The following PSMF1 variants were observed in gnomAD, a reference collection of about 807,000 sequenced individuals.
PSMF1 encodes the protein proteasome inhibitor PI31 subunit.
A neutral mutation model predicts 29.3 loss-of-function variants in PSMF1; 30 were observed. That is an observed-to-expected ratio of 1.02 (90% CI 0.77 to 1.39). The LOEUF is 1.39. Among genes scored for constraint, PSMF1 ranks in the 40% most tolerant of loss-of-function variants. The probability of loss-of-function intolerance (pLI) is 0.00; values close to 1 mark genes in which losing one functional copy is unlikely to be tolerated. For missense variants in PSMF1, 344 were observed against 357.5 expected, an observed-to-expected ratio of 0.96 and a Z score of 0.31; for synonymous variants, 134 against 139.7, an observed-to-expected ratio of 0.96 and a Z score of 0.29.
chr20:1,166,366 C>T lies in PSMF1; in HGVS notation c.*1286C>T. On this transcript the variant is annotated 3_prime_UTR_variant, in exon 7 of 7. Coordinates refer to ENST00000335877, the MANE Select transcript of PSMF1 (RefSeq NM_006814.5). ...GCTAGCATTTCAACCATATGTGGAT[C>T]CTTTCATTTCTCAGCTCCCTGGATT... 1.7e-6 allele frequency: 2 copies of T among 1,159,058 alleles called. No individual in the cohort carries two copies. Among genetic ancestry groups the T allele is most frequent in the Admixed American group, 4.0e-5 (2 of 50,550 alleles). The allele number at this position is 1,159,058 out of a possible 1,614,324, so 71.8% of individuals were successfully genotyped here.
intron 2 of PSMF1, chr20:1,126,026 T>C: frequency 1.8e-5 from 8 of 454,832 alleles, no homozygotes; most frequent in South Asian, 1.2e-4. Context: ...GCTGGAAGGC[T>C]CTTCCCCTCC....
At chr20:1,123,171 C>A (rs933199487) in intron 1 of PSMF1, among the ~76,000 whole-genome samples, 3 of 152,310 alleles carry the variant, frequency 2.0e-5, no homozygotes, top group East Asian at 3.9e-4. Context: ...AGGTTTTAAA[C>A]CATGACAGTT....
chr20:1,163,635 T>C lies in PSMF1; in HGVS notation c.605+452T>C, dbSNP rs1306686943. 6.6e-6 allele frequency among the ~76,000 whole-genome samples: 1 copy of C among 152,228 alleles called. No homozygotes were observed. ...TTCCCTGAATGATTCCAAATAGATTTTAACCTCTGCTACAAAGTGACCCCG... is the reference window on the plus strand; with the variant it reads ...TTCCCTGAATGATTCCAAATAGATTCTAACCTCTGCTACAAAGTGACCCCG... On this transcript the variant is annotated intron_variant, in intron 5 of 6. Coordinates refer to ENST00000335877, the MANE Select transcript of PSMF1 (RefSeq NM_006814.5). This position sits in a 1 kb window ranked among gnomAD's most constrained non-coding sequence, Gnocchi z 6.1.
At chr20:1,150,170 A>G (rs965655512) in intron 4 of PSMF1, among the ~76,000 whole-genome samples, 1 of 151,268 alleles carries the variant, frequency 6.6e-6, no homozygotes, top group Admixed American at 6.6e-5. Flanking sequence ...ACAGAGCAAG[A>G]CCCTGTCTCA....
In PSMF1 at chr20:1,165,143, C is replaced by G. The variant is rs994728874; in HGVS notation, c.*63C>G. 8.1e-6 allele frequency: 13 copies of G among 1,613,010 alleles called. No homozygotes were observed. The highest frequency in any genetic ancestry group is 1.3e-5 in the African/African-American group (1 of 74,908). On this transcript the variant is annotated 3_prime_UTR_variant, in exon 7 of 7. Transcript: ENST00000335877. ...TCTCCTGGAGCTGCCACCGCTGTCCCCATCAGCAACCATGTTCTTGCAGGC... is the reference window on the plus strand; with the variant it reads ...TCTCCTGGAGCTGCCACCGCTGTCCGCATCAGCAACCATGTTCTTGCAGGC...
rs1429336912 is a variant in PSMF1, at chr20:1,165,112, C to T, written c.*32C>T. On this transcript the variant is annotated 3_prime_UTR_variant, in exon 7 of 7. Transcript: ENST00000335877. ...CAAGAATGTAACATCCCAGGCTTCC[C>T]TCCATTCTCCTGGAGCTGCCACCGC... The T allele has an allele frequency of 1.9e-6, 3 of 1,614,124 alleles. No homozygotes were observed. The highest frequency in any genetic ancestry group is 4.5e-5 in the East Asian group (2 of 44,870).
rs200259216 is a variant in PSMF1 at position 1,164,436 on chromosome 20, C to G, written c.724C>G (p.Arg242Gly). 5 of 1,614,158 alleles carry G rather than the reference C, an allele frequency of 3.1e-6. No individual in the cohort carries two copies. The highest frequency in any genetic ancestry group is 4.2e-6 in the Non-Finnish European group (5 of 1,180,026). The change falls in exon 6 of 7, where the codon CGC becomes GGC. Residue 242 changes from arginine to glycine, a missense_variant. By Grantham distance (125) the Arg-to-Gly change is moderately radical (BLOSUM62 -2). Transcript: ENST00000335877. This position sits in a 1 kb window ranked among gnomAD's most constrained non-coding sequence, Gnocchi z 4.1. Reference sequence around the variant, plus strand: ...TCCAGGCGCTGTGCCCCCAGGAGCTCGCTTTGACCCCTTTGGACCCATTGG... The same window carrying G: ...TCCAGGCGCTGTGCCCCCAGGAGCTGGCTTTGACCCCTTTGGACCCATTGG... ...LPPGAVPPGA[R>G]FDPFGPIGTS...
intron 4 of PSMF1, among the ~76,000 whole-genome samples, chr20:1,141,083 CTA>C (rs1183608343): frequency 1.3e-5 from 2 of 152,108 alleles, no homozygotes; most frequent in Non-Finnish European, 2.9e-5. Context: ...TCATAAAAGA[CTA>C]TATATGATTT....
At chr20:1,147,179 C>CATCATCATCATCAT in intron 4 of PSMF1, among the ~76,000 whole-genome samples, 1 of 126,170 alleles carries the variant, frequency 7.9e-6, no homozygotes, top group South Asian at 2.6e-4. Flanking sequence ...ATCATCATCA[C>CATCATCATCATCAT]CACCCTGTGT....
At chr20:1,123,096 T>A (rs2086110658) in intron 1 of PSMF1, among the ~76,000 whole-genome samples, 1 of 152,228 alleles carries the variant, frequency 6.6e-6, no homozygotes, top group Non-Finnish European at 1.5e-5. Context: ...TGATTAGTTT[T>A]ACTTTTGTTT....
chr20:1,163,169 C>T lies in PSMF1; in HGVS notation c.591C>T (p.Asp197=). The change falls in exon 5 of 7, where the codon GAC becomes GAT. Residue 197 remains aspartate, a synonymous_variant. Coordinates refer to ENST00000335877, the MANE Select transcript of PSMF1 (RefSeq NM_006814.5). The surrounding 1 kb of genome is among the most constrained non-coding windows in gnomAD (Gnocchi z 6.1). The part of the protein sequence containing the change: ...PLGPFVVGGE[D]LDPFGPRRGG... ...GCCCGTTTGTTGTCGGGGGAGAAGA[C>T]TTAGACCCTTTTGGGTGAGTACTGC... 1 of 1,614,166 alleles carries T rather than the reference C, an allele frequency of 6.2e-7. No homozygotes were observed. Among genetic ancestry groups the T allele is most frequent in the Non-Finnish European group, 8.5e-7 (1 of 1,180,026 alleles).
At chr20:1,118,160 T>C (rs958905586), upstream of PSMF1, among the ~76,000 whole-genome samples, 1 of 152,238 alleles carries the variant, frequency 6.6e-6, no homozygotes, top group Non-Finnish European at 1.5e-5. Context: ...GCTGTTGTCA[T>C]CTTGGTCAAA....
chr20:1,135,291 G>A lies in PSMF1; in HGVS notation c.536G>A (p.Ser179Asn), dbSNP rs1192239038. 1.2e-6 allele frequency: 2 copies of A among 1,612,568 alleles called. No individual in the cohort carries two copies. Among genetic ancestry groups the A allele is most frequent in the African/African-American group, 2.7e-5 (2 of 74,900 alleles). ...LRIPPHHPHT[S>N]RQPPWCDPLG... ...ATTCCTCCACACCACCCACACACCA[G>A]TCGGCAGCCTCCCTGGTGAGTACAG... is the stretch of plus-strand genomic sequence containing the variant. The change falls in exon 4 of 7, where the codon AGT becomes AAT. Residue 179 changes from serine (S) to asparagine (N), a missense_variant. Physicochemically the swap from Ser to Asn is conservative, Grantham distance 46. Transcript: ENST00000335877.
rs552670320 is a variant in PSMF1 at position 1,128,598 on chromosome 20, T to C, written c.365+1090T>C. 2.0e-3 allele frequency among the ~76,000 whole-genome samples: 299 copies of C among 152,338 alleles called. 3 individuals carry two copies. Among genetic ancestry groups the C allele is most frequent in the Non-Finnish European group, 3.8e-3 (261 of 68,038 alleles). On this transcript the variant is annotated intron_variant, in intron 3 of 6. Transcript: ENST00000335877. ...GTAGTGTGTTCCAAAGGTACTTAGA[T>C]TAGTGCTTGTTTTTAAAATCAGTAT...
intron 3 of PSMF1, among the ~76,000 whole-genome samples, chr20:1,134,673 G>C (rs2086278766): frequency 6.6e-6 from 1 of 152,196 alleles, no homozygotes; most frequent in Admixed American, 6.5e-5. Flanking sequence ...GTTAGTGACA[G>C]AACTGGACCT....
intron 4 of PSMF1, among the ~76,000 whole-genome samples, chr20:1,137,416 T>A (rs2086321020): frequency 6.6e-6 from 1 of 152,182 alleles, no homozygotes; most frequent in Non-Finnish European, 1.5e-5. Context: ...ACGCTAAAAG[T>A]GGGATAGCCA....
At position 1,156,693 on chromosome 20, in the gene PSMF1, A is replaced by G. The variant is rs1321123121; in HGVS notation, c.552-6437A>G. Among the ~76,000 whole-genome samples, 8 of 152,214 alleles carry G rather than the reference A, an allele frequency of 5.3e-5. 1 individual carries two copies. In the East Asian group the frequency reaches 1.5e-3, roughly 29 times the overall value. On this transcript the variant is annotated intron_variant, in intron 4 of 6. Coordinates refer to ENST00000335877, the MANE Select transcript of PSMF1 (RefSeq NM_006814.5). Reference sequence around the variant, plus strand: ...CTTCATTTCTAAAGGATATTAAGATATTATTAAGAATATCTTAACAAAGAA... The same window carrying G: ...CTTCATTTCTAAAGGATATTAAGATGTTATTAAGAATATCTTAACAAAGAA...
chr20:1,129,157 G>A (rs1376590520), intron 3 of PSMF1, among the ~76,000 whole-genome samples: 4 of 152,102 alleles, frequency 2.6e-5, no homozygotes, highest in African/African-American at 7.2e-5. Flanking sequence ...GGGATTACAG[G>A]CGTGAGCCAC....
intron 4 of PSMF1, among the ~76,000 whole-genome samples, chr20:1,159,464 C>CA (rs757974583): frequency 2.6e-5 from 4 of 152,192 alleles, no homozygotes; most frequent in Non-Finnish European, 4.4e-5. Context: ...GCCTGGCCTG[C>CA]AACTGCCTTT....
Sources: gnomAD v4.1 joint callset for allele counts (sites outside exome capture counted in the v4.1 genomes callset) on GRCh38, gnomAD v4.1.1 for gene constraint, Gnocchi (gnomAD v3.1) non-coding constraint, MANE v1.5 for transcripts, NCBI Gene and HGNC (gene_info 2026-07-23, HGNC 2026-07-21) for gene names.